Variants in SLC6A2 observed in about 807,000 individuals in gnomAD.
SLC6A2 encodes sodium-dependent noradrenaline transporter.
A neutral mutation model predicts 71.7 loss-of-function variants in SLC6A2; 26 were observed. The ratio of observed to expected loss-of-function variants is 0.36; its 90% confidence interval spans 0.27 to 0.50. The LOEUF (loss-of-function observed/expected upper bound fraction) is 0.50. SLC6A2 is among the 20% of genes least tolerant of loss of function. The pLI, the probability that SLC6A2 is intolerant of heterozygous loss-of-function variation, is 0.96. For synonymous variants in SLC6A2, 363 were observed against 337.9 expected (o/e 1.07, Z -0.82); for missense variants, 581 against 803.9 (o/e 0.72, Z 3.35).
At position 55,704,554 on chromosome 16, in the gene SLC6A2, GA is replaced by G. The variant is rs1272637566; in HGVS notation, c.*2211del. The G allele has an allele frequency of 2.6e-5, 4 of 152,290 alleles. No homozygotes were observed. Among genetic ancestry groups the G allele is most frequent in the Admixed American group, 2.0e-4 (3 of 15,294 alleles). 9.4% of individuals were successfully genotyped at this position (152,290 alleles called of 1,614,324 possible). A position where few individuals can be genotyped will look rare whatever the true frequency, so the allele number is the denominator to read the frequency against. On this transcript the variant is annotated 3_prime_UTR_variant, in exon 15 of 15. Coordinates refer to ENST00000568943, the MANE Select transcript of SLC6A2 (RefSeq NM_001172501.3). ...TTTCCTCTAGCTGGTTTCCAGAGAG[GA>G]AATTATTTAGCTGCTCTCTTTTGAT...
At chr16:55,666,935 C>A (rs1964766810) in intron 2 of SLC6A2, among the ~76,000 whole-genome samples, 2 of 152,140 alleles carry the variant, frequency 1.3e-5, no homozygotes, top group Admixed American at 6.5e-5. Flanking sequence ...GGGCCACTGA[C>A]TTCCATCTTC....
At chr16:55,680,325 A>G (rs1165877800) in intron 4 of SLC6A2, among the ~76,000 whole-genome samples, 2 of 152,188 alleles carry the variant, frequency 1.3e-5, no homozygotes, top group Non-Finnish European at 2.9e-5. Context: ...GACTAATGAT[A>G]TAGATCTCAT....
chr16:55,664,909 C>A (rs956604108), intron 2 of SLC6A2, among the ~76,000 whole-genome samples: 1 of 152,180 alleles, frequency 6.6e-6, no homozygotes, highest in African/African-American at 2.4e-5. Context: ...TACCCCACCA[C>A]CCTCCAATAC....
chr16:55,695,073 A>G (rs1965752837), intron 7 of SLC6A2, among the ~76,000 whole-genome samples: 1 of 152,174 alleles, frequency 6.6e-6, no homozygotes, highest in Non-Finnish European at 1.5e-5. Context: ...AGACTCTGGT[A>G]TCAGGCTGTT....
intron 2 of SLC6A2, among the ~76,000 whole-genome samples, chr16:55,658,044 C>T (rs1295147407): frequency 6.6e-6 from 1 of 152,124 alleles, no homozygotes; most frequent in African/African-American, 2.4e-5. Flanking sequence ...GGCTGCATTG[C>T]TTGGCGGTAG....
chr16:55,665,730 C>T (rs1466432370), intron 2 of SLC6A2, among the ~76,000 whole-genome samples: 1 of 152,108 alleles, frequency 6.6e-6, no homozygotes, highest in Non-Finnish European at 1.5e-5. Context: ...CTGGGGGCTG[C>T]TCCAGCACAT....
At chr16:55,687,711 AC>A (rs2142569188) in intron 5 of SLC6A2, among the ~76,000 whole-genome samples, 1 of 152,302 alleles carries the variant, frequency 6.6e-6, no homozygotes, top group Non-Finnish European at 1.5e-5. Flanking sequence ...GCATAGGACC[AC>A]CACAAACTTC....
chr16:55,677,981 C>G (rs545902662), intron 4 of SLC6A2, among the ~76,000 whole-genome samples: 17 of 152,230 alleles, frequency 1.1e-4, no homozygotes, highest in African/African-American at 4.1e-4. Context: ...ATTTTAGGAG[C>G]CTTCTGCCCT....
chr16:55,678,402 A>G (rs1324458533), intron 4 of SLC6A2, among the ~76,000 whole-genome samples: 15 of 151,278 alleles, frequency 9.9e-5, no homozygotes, highest in Admixed American at 9.9e-4. Context: ...AGTGAGTGGG[A>G]CTCCTAGTGC....
At chr16:55,667,244 C>T (rs887916636) in intron 2 of SLC6A2, among the ~76,000 whole-genome samples, 1 of 152,170 alleles carries the variant, frequency 6.6e-6, no homozygotes, top group Non-Finnish European at 1.5e-5. Flanking sequence ...TGCCCTGGCT[C>T]TAGATCCTCA....
At chr16:55,687,911 T>C (rs1965504715) in intron 5 of SLC6A2, among the ~76,000 whole-genome samples, 1 of 152,118 alleles carries the variant, frequency 6.6e-6, no homozygotes, top group African/African-American at 2.4e-5. Flanking sequence ...GAGAAGGTAA[T>C]GAGGGGCGAA....
In SLC6A2 at chr16:55,701,949, G is replaced by T; in HGVS notation, c.1830+15G>T. On this transcript the variant is annotated intron_variant, in intron 14 of 14. Coordinates refer to ENST00000568943, the MANE Select transcript of SLC6A2 (RefSeq NM_001172501.3). ...GACAGTTCCAGGTGGGTGAAGCCTA[G>T]ACCCCTGGGGTGGAGATTACAAGGG... is the stretch of plus-strand genomic sequence containing the variant. 6.2e-7 allele frequency: 1 copy of T among 1,600,468 alleles called. No individual in the cohort carries two copies. Among genetic ancestry groups the T allele is most frequent in the Non-Finnish European group, 8.6e-7 (1 of 1,167,468 alleles).
chr16:55,703,295 G>T lies in SLC6A2; in HGVS notation c.*949G>T. ...GCTGTCCTCACAAGGCCAGGTGGGT[G>T]CCCAAAGGGAGCCTGACAGGCTGTT... is the stretch of plus-strand genomic sequence containing the variant. On this transcript the variant is annotated 3_prime_UTR_variant, in exon 15 of 15. Transcript: ENST00000568943. 1 of 985,492 alleles carries T rather than the reference G, an allele frequency of 1.0e-6. No individual in the cohort carries two copies. The highest frequency in any genetic ancestry group is 1.2e-6 in the Non-Finnish European group (1 of 829,962). The allele number at this position is 985,492 out of a possible 1,614,324, so 61.0% of individuals were successfully genotyped here. A position where few individuals can be genotyped will look rare whatever the true frequency, so the allele number is the denominator to read the frequency against.
intron 2 of SLC6A2, among the ~76,000 whole-genome samples, chr16:55,663,642 T>A (rs1470857150): frequency 6.6e-6 from 1 of 152,234 alleles, no homozygotes; most frequent in African/African-American, 2.4e-5. Context: ...GAAACCTATC[T>A]GTCTATCTAT....
At chr16:55,681,552 A>G (rs532438733) in intron 4 of SLC6A2, among the ~76,000 whole-genome samples, 1 of 152,372 alleles carries the variant, frequency 6.6e-6, no homozygotes, top group Admixed American at 6.5e-5. Flanking sequence ...TTCAAATAAC[A>G]TACATCTATT....
intron 4 of SLC6A2, among the ~76,000 whole-genome samples, chr16:55,683,327 C>A (rs1205480486): frequency 6.6e-6 from 1 of 152,100 alleles, no homozygotes; most frequent in East Asian, 1.9e-4. Context: ...TTATAAAAAA[C>A]CAGGCCTGGC....
At chr16:55,675,608 T>C (rs946911247) in intron 4 of SLC6A2, among the ~76,000 whole-genome samples, 3 of 152,228 alleles carry the variant, frequency 2.0e-5, no homozygotes, top group African/African-American at 4.8e-5. Context: ...AGAAATGGTC[T>C]ATATCTGTGC....
intron 4 of SLC6A2, 124 bp downstream of exon 4, chr16:55,672,299 C>T (rs1964947372): frequency 3.9e-6 from 6 of 1,522,806 alleles, no homozygotes; most frequent in Non-Finnish European, 5.4e-6. Context: ...GTTTACTGAG[C>T]AGCCACTGGC....
Position 55,703,337 on chromosome 16 carries a change from C to T in SLC6A2, c.*991C>T. 1 of 985,482 alleles carries T rather than the reference C, an allele frequency of 1.0e-6. No individual in the cohort carries two copies. The highest frequency in any genetic ancestry group is 1.2e-6 in the Non-Finnish European group (1 of 829,960). 61.0% of individuals were successfully genotyped at this position (985,482 alleles called of 1,614,324 possible). A position where few individuals can be genotyped will look rare whatever the true frequency, so the allele number is the denominator to read the frequency against. ...CAGGCTGTTGTGTTAATTTATTGTT[C>T]TTGCACACCTGCACAGCCTCCCTCT... On this transcript the variant is annotated 3_prime_UTR_variant, in exon 15 of 15. Transcript: ENST00000568943.
Sources: gnomAD v4.1 joint callset for allele counts (sites outside exome capture counted in the v4.1 genomes callset) on GRCh38, gnomAD v4.1.1 for gene constraint, MANE v1.5 for transcripts, NCBI Gene and HGNC (gene_info 2026-07-23, HGNC 2026-07-21) for gene names.